The following PDE8B variants were observed in gnomAD, a reference collection of about 807,000 sequenced individuals.
PDE8B encodes phosphodiesterase 8B, also known as high affinity cAMP-specific and IBMX-insensitive 3',5'-cyclic phosphodiesterase 8B.
In PDE8B, 26 loss-of-function variants were observed where a neutral mutation model predicts 101.3. The ratio of observed to expected loss-of-function variants is 0.26; its 90% CI spans 0.19 to 0.36. PDE8B has a LOEUF of 0.36. Ranked by LOEUF, PDE8B falls within the 10% of genes least tolerant of loss-of-function variation. The probability of loss-of-function intolerance (pLI) is 1.00; values close to 1 mark genes in which losing one functional copy is unlikely to be tolerated. For synonymous variants in PDE8B, 424 were observed against 429.3 expected (o/e 0.99, Z 0.15); for missense variants, 810 against 1,163.1 (o/e 0.70, Z 4.42).
chr5:77,359,473 G>GGC (rs1782715567), intron 10 of PDE8B, among the ~76,000 whole-genome samples: 1 of 152,196 alleles, frequency 6.6e-6, no homozygotes. Flanking sequence ...AGGCTGGGGG[G>GGC]TGTCTGCCCT....
chr5:77,337,163 C>A, intron 5 of PDE8B, 64 bp from the exon 6 acceptor site: 1 of 883,306 alleles, frequency 1.1e-6, no homozygotes, highest in Non-Finnish European at 1.9e-6. Flanking sequence ...TGTTAAGTTT[C>A]TCTATTTGAC....
chr5:77,411,773 G>A, intron 15 of PDE8B, 52 bp downstream of exon 15: 1 of 1,350,130 alleles, frequency 7.4e-7, no homozygotes, highest in Non-Finnish European at 1.1e-6. Context: ...AGCCTGTGCT[G>A]TCCCCGCTGT....
At chr5:77,414,736 CCTTT>C (rs1304868721) in intron 17 of PDE8B, among the ~76,000 whole-genome samples, 1 of 152,004 alleles carries the variant, frequency 6.6e-6, no homozygotes, top group Admixed American at 6.6e-5. Flanking sequence ...GGCCTATGCT[CCTTT>C]CTTTTATACC....
At chr5:77,129,214 G>T in the PDE8B span, among the ~76,000 whole-genome samples, 1 of 152,152 alleles carries the variant, frequency 6.6e-6, no homozygotes, top group Non-Finnish European at 1.5e-5. Flanking sequence ...GTGATTATTA[G>T]ACTGTCATCA....
chr5:77,127,874 G>A, the PDE8B span, among the ~76,000 whole-genome samples: 21 of 152,058 alleles, frequency 1.4e-4, 1 homozygote, highest in Admixed American at 5.9e-4. Context: ...TTCCTATCAG[G>A]GTTCTAACTT....
intron 5 of PDE8B, among the ~76,000 whole-genome samples, chr5:77,335,369 A>G (rs1026081711): frequency 6.6e-6 from 1 of 152,196 alleles, no homozygotes; most frequent in Non-Finnish European, 1.5e-5. Flanking sequence ...CTGTAAATCA[A>G]ACAGAAAGTA....
At chr5:77,332,068 G>C (rs910348083) in intron 5 of PDE8B, among the ~76,000 whole-genome samples, 1 of 152,170 alleles carries the variant, frequency 6.6e-6, no homozygotes, top group Non-Finnish European at 1.5e-5. Flanking sequence ...GTAGAAATTA[G>C]ATTGGAGGCA....
At chr5:77,417,656 C>G (rs1795845718) in intron 17 of PDE8B, among the ~76,000 whole-genome samples, 1 of 152,180 alleles carries the variant, frequency 6.6e-6, no homozygotes, top group Non-Finnish European at 1.5e-5. Context: ...TTGCTGCCTG[C>G]TAGCCCAGAG....
chr5:77,173,652 A>G, the PDE8B span, among the ~76,000 whole-genome samples: 1 of 152,008 alleles, frequency 6.6e-6, no homozygotes, highest in Non-Finnish European at 1.5e-5. Context: ...AGCCTACTAG[A>G]GTTGTGAGAA....
the PDE8B span, among the ~76,000 whole-genome samples, chr5:77,110,087 A>G: frequency 6.6e-6 from 1 of 151,428 alleles, no homozygotes; most frequent in African/African-American, 2.4e-5. Flanking sequence ...ACAAGCATGC[A>G]CCACCATGCC....
intron 20 of PDE8B, among the ~76,000 whole-genome samples, chr5:77,425,258 A>G (rs887482613): frequency 2.6e-5 from 4 of 152,216 alleles, no homozygotes; most frequent in Non-Finnish European, 5.9e-5. Context: ...ATGCTATGGT[A>G]TCACATAGAA....
chr5:77,233,699 T>TGTGTGTGTGTGTGTGTGC (rs979930633), intron 1 of PDE8B, among the ~76,000 whole-genome samples: 13 of 146,886 alleles, frequency 8.9e-5, no homozygotes, highest in African/African-American at 3.0e-4. Context: ...TGTGTGTGTG[T>TGTGTGTGTGTGTGTGTGC]GCAGTAGACT....
the PDE8B span, chr5:77,151,871 T>G: frequency 6.6e-6 from 1 of 152,254 alleles, no homozygotes; most frequent in East Asian, 1.9e-4. Context: ...AAAGATTTCA[T>G]GTAAAAATTC....
the PDE8B span, chr5:77,114,637 T>C: frequency 6.6e-6 from 1 of 152,148 alleles, no homozygotes; most frequent in Admixed American, 6.5e-5. Flanking sequence ...GTTGTGCACA[T>C]GTACGCTAGA....
At chr5:77,088,499 A>C in the PDE8B span, 1 of 58,260 alleles carries the variant, frequency 1.7e-5, no homozygotes, top group East Asian at 5.1e-4. Context: ...GGGCGGGGGT[A>C]GAGGAGTTGG....
chr5:77,384,533 G>T (rs1440456625), intron 10 of PDE8B, among the ~76,000 whole-genome samples: 1 of 152,164 alleles, frequency 6.6e-6, no homozygotes, highest in Non-Finnish European at 1.5e-5. Flanking sequence ...GTGAGAGAGG[G>T]CATCCTTGTC....
the PDE8B span, among the ~76,000 whole-genome samples, chr5:77,190,000 A>G: frequency 2.6e-5 from 4 of 152,290 alleles, no homozygotes; most frequent in Admixed American, 2.6e-4. Flanking sequence ...GGAGGGAGAA[A>G]AGATCTAGGG....
chr5:77,291,284 T>C (rs1436906321), intron 1 of PDE8B: 22 of 1,612,870 alleles, frequency 1.4e-5, no homozygotes, highest in Non-Finnish European at 1.8e-5. Context: ...ACCCTAATGT[T>C]CTCTATGGGC....
chr5:77,152,481 C>T, the PDE8B span, among the ~76,000 whole-genome samples: 1 of 152,134 alleles, frequency 6.6e-6, no homozygotes, highest in Non-Finnish European at 1.5e-5. Context: ...AGGCAGGCAT[C>T]TCCTGCACCC....
Sources: gnomAD v4.1 joint callset for allele counts (sites outside exome capture counted in the v4.1 genomes callset) on GRCh38, gnomAD v4.1.1 for gene constraint, MANE v1.5 for transcripts, NCBI Gene and HGNC (gene_info 2026-07-23, HGNC 2026-07-21) for gene names.